Variants in KIF2A observed in about 807,000 individuals in gnomAD.
The protein encoded by KIF2A is kinesin-like protein KIF2A.
A neutral mutation model predicts 100.2 loss-of-function variants in KIF2A; 22 were observed. That is an observed-to-expected ratio of 0.22 (90% CI 0.16 to 0.31). The LOEUF (loss-of-function observed/expected upper bound fraction) is 0.31. KIF2A is among the 10% of genes least tolerant of loss of function. The pLI, the probability that KIF2A is intolerant of heterozygous loss-of-function variation, is 1.00. For missense variants in KIF2A, 495 were observed against 898.7 expected, an observed-to-expected ratio of 0.55 and a Z score of 5.74; for synonymous variants, 268 against 285.9, an observed-to-expected ratio of 0.94 and a Z score of 0.63.
rs548152513 is a variant in KIF2A at position 62,362,723 on chromosome 5, A to T, written c.1119+182A>T. ...AGAATTTATGTTATGAGATTTTTTT[A>T]AAAAGTCCTTTGAAACTTTTCAACT... On this transcript the variant is annotated intron_variant, in intron 12 of 20. Coordinates refer to ENST00000407818, the MANE Select transcript of KIF2A (RefSeq NM_001098511.3). Among the ~76,000 whole-genome samples the T allele has an allele frequency of 2.0e-5, 3 of 152,298 alleles. 1 individual carries two copies. Among genetic ancestry groups the T allele is most frequent in the Middle Eastern group, 3.4e-3 (1 of 294 alleles).
chr5:62,322,555 G>A (rs1580007888), intron 1 of KIF2A, among the ~76,000 whole-genome samples: 1 of 152,056 alleles, frequency 6.6e-6, no homozygotes, highest in Non-Finnish European at 1.5e-5. Context: ...ACTAGTTCTT[G>A]ACCTTTTAAC....
chr5:62,344,924 A>G (rs1006829037), intron 1 of KIF2A, among the ~76,000 whole-genome samples: 1 of 152,180 alleles, frequency 6.6e-6, no homozygotes, highest in Non-Finnish European at 1.5e-5. Context: ...TATTACTTAT[A>G]TGGATTTTTA....
chr5:62,321,767 T>C (rs13156695), intron 1 of KIF2A, among the ~76,000 whole-genome samples: 8,750 of 152,082 alleles, frequency 0.058, 329 homozygotes, highest in East Asian at 0.14. Context: ...CCACGTTTCC[T>C]AGGCTGGTCT....
intron 9 of KIF2A, among the ~76,000 whole-genome samples, chr5:62,358,673 C>T (rs965440107): frequency 6.6e-6 from 1 of 152,070 alleles, no homozygotes; most frequent in African/African-American, 2.4e-5. Flanking sequence ...AATAAAGAAA[C>T]TTGAAATGTT....
chr5:62,381,884 AAGG>A (rs1260081535), intron 20 of KIF2A, among the ~76,000 whole-genome samples: 1 of 152,186 alleles, frequency 6.6e-6, no homozygotes, highest in African/African-American at 2.4e-5. Context: ...TTTTTAAATG[AAGG>A]AGGTGTCAAG....
chr5:62,380,633 G>C (rs1186085184), intron 19 of KIF2A, among the ~76,000 whole-genome samples: 1 of 152,114 alleles, frequency 6.6e-6, no homozygotes, highest in Non-Finnish European at 1.5e-5. Flanking sequence ...TACATATTTT[G>C]TATGTTATAT....
In KIF2A at chr5:62,361,435, G is replaced by A. The variant is rs776587016; in HGVS notation, c.964-31G>A. ...TTCTTAAGAGTTATTCCTGAGTAATGTCTGTTCTTTATTTTCTTTTTAAAA... is the reference window on the plus strand; with the variant it reads ...TTCTTAAGAGTTATTCCTGAGTAATATCTGTTCTTTATTTTCTTTTTAAAA... On this transcript the variant is annotated intron_variant, in intron 10 of 20. Coordinates refer to ENST00000407818, the MANE Select transcript of KIF2A (RefSeq NM_001098511.3). 33 of 1,470,672 alleles carry A rather than the reference G, an allele frequency of 2.2e-5. No individual in the cohort carries two copies. The South Asian group carries it at 3.5e-4, about 16-fold the overall frequency. 91.1% of individuals were successfully genotyped at this position (1,470,672 alleles called of 1,614,324 possible).
At chr5:62,320,422 C>T (rs1010293829) in intron 1 of KIF2A, among the ~76,000 whole-genome samples, 1 of 152,158 alleles carries the variant, frequency 6.6e-6, no homozygotes, top group African/African-American at 2.4e-5. Context: ...TTTGATAGAT[C>T]TTGCTGATTT....
At chr5:62,382,329 C>T (rs1741802885) in intron 20 of KIF2A, among the ~76,000 whole-genome samples, 2 of 152,012 alleles carry the variant, frequency 1.3e-5, no homozygotes, top group Admixed American at 6.6e-5. Flanking sequence ...GTAGTCCCAG[C>T]TATTGGGAGG....
intron 1 of KIF2A, among the ~76,000 whole-genome samples, chr5:62,333,868 C>T (rs1393452970): frequency 6.6e-6 from 1 of 152,100 alleles, no homozygotes; most frequent in African/African-American, 2.4e-5. Context: ...TATTCAGGCC[C>T]CACACCTCCC....
At chr5:62,381,317 G>A (rs1468908626) in intron 20 of KIF2A, 64 bp downstream of exon 20, 24 of 1,356,782 alleles carry the variant, frequency 1.8e-5, no homozygotes, top group Non-Finnish European at 2.5e-5. Context: ...TTGGTGAGAG[G>A]GCTTCTTCGT....
rs1742054656 is a variant in KIF2A at position 62,386,869 on chromosome 5, C to CAAAG, written c.*1302_*1305dup. ...CCACTTTTCATGTAAATATTTTGTT[C>CAAAG]AAAGATTTGTATATCTCTCTAGGAG... On this transcript the variant is annotated 3_prime_UTR_variant, in exon 21 of 21. Coordinates refer to ENST00000407818, the MANE Select transcript of KIF2A (RefSeq NM_001098511.3). Among the ~76,000 whole-genome samples the CAAAG allele has an allele frequency of 6.6e-6, 1 of 152,152 alleles. No individual in the cohort carries two copies. Among genetic ancestry groups the CAAAG allele is most frequent in the African/African-American group, 2.4e-5 (1 of 41,448 alleles).
chr5:62,359,553 G>A (rs778255160), intron 9 of KIF2A, among the ~76,000 whole-genome samples: 2 of 151,534 alleles, frequency 1.3e-5, no homozygotes, highest in Non-Finnish European at 2.9e-5. Flanking sequence ...GTTAATTGTA[G>A]AATTTTTTTT....
intron 1 of KIF2A, among the ~76,000 whole-genome samples, chr5:62,312,094 C>T (rs1296246665): frequency 6.6e-6 from 1 of 152,146 alleles, no homozygotes; most frequent in African/African-American, 2.4e-5. Context: ...CATACAAACC[C>T]CTGTAGTAAA....
chr5:62,378,227 A>T (rs1397798623), intron 19 of KIF2A, among the ~76,000 whole-genome samples: 1 of 152,192 alleles, frequency 6.6e-6, no homozygotes, highest in Non-Finnish European at 1.5e-5. Context: ...AGGGTGTTAT[A>T]TCACCACCTG....
In KIF2A at chr5:62,373,785, G is replaced by C. The variant is rs1273365993; in HGVS notation, c.1859G>C (p.Gly620Ala). The C allele has an allele frequency of 1.2e-6, 2 of 1,612,510 alleles. No individual in the cohort carries two copies. The highest frequency in any genetic ancestry group is 3.3e-5 in the Admixed American group (2 of 60,016). The change falls in exon 18 of 21, where the codon GGT becomes GCT. Residue 620 changes from glycine (G) to alanine (A), a missense_variant. This residue lies in a region of KIF2A where 100 missense variants were observed against 138.2 expected (regional missense o/e 0.72). Coordinates refer to ENST00000407818, the MANE Select transcript of KIF2A (RefSeq NM_001098511.3). ...NQIDDLETQWGVGSSPQRDDL... is the reference protein window; with the variant it reads ...NQIDDLETQWAVGSSPQRDDL... ...ATTGATGACTTAGAGACACAGTGGG[G>C]TGTGGGGAGTTCCCCTCAGAGAGAT...
chr5:62,353,795 G>C (rs890979128), intron 6 of KIF2A, among the ~76,000 whole-genome samples: 4 of 152,050 alleles, frequency 2.6e-5, no homozygotes, highest in African/African-American at 9.7e-5. Flanking sequence ...GTGAAAGGGG[G>C]GAAATTCCTT....
chr5:62,347,279 T>C (rs1220824066), intron 2 of KIF2A, 55 bp downstream of exon 2: 6 of 929,110 alleles, frequency 6.5e-6, no homozygotes, highest in Middle Eastern at 2.2e-4. Flanking sequence ...ATTCTGAATA[T>C]AAAACAAAAC....
chr5:62,362,024 C>T (rs1032596933), intron 11 of KIF2A, among the ~76,000 whole-genome samples: 3 of 150,006 alleles, frequency 2.0e-5, no homozygotes, highest in Non-Finnish European at 3.0e-5. Flanking sequence ...AGACCAAGAC[C>T]CCATCTCAAA....
Sources: gnomAD v4.1 joint callset for allele counts (sites outside exome capture counted in the v4.1 genomes callset) on GRCh38, gnomAD v4.1.1 for gene constraint, gnomAD v4.1.1 regional missense constraint, MANE v1.5 for transcripts, NCBI Gene and HGNC (gene_info 2026-07-23, HGNC 2026-07-21) for gene names.